Variants in CCDC150 observed in about 807,000 individuals in gnomAD.
CCDC150 encodes coiled-coil domain containing 150.
CCDC150 carries 151 observed loss-of-function variants against 156.5 expected under a neutral mutation model. The ratio of observed to expected loss-of-function variants is 0.97; its 90% CI spans 0.85 to 1.10. CCDC150 has a LOEUF of 1.10. Ranked by LOEUF, CCDC150 falls within the 50% of genes least tolerant of loss-of-function variation. The pLI is 0.00. For missense variants in CCDC150, 1,312 were observed against 1,268.1 expected (o/e 1.03, Z -0.53); for synonymous variants, 452 against 429.4 (o/e 1.05, Z -0.65).
At chr2:196,676,918 A>C (rs1694538799) in intron 12 of CCDC150, among the ~76,000 whole-genome samples, 187 bp downstream of exon 12, 1 of 152,240 alleles carries the variant, frequency 6.6e-6, no homozygotes, top group Non-Finnish European at 1.5e-5. Flanking sequence ...GCCAAATAGA[A>C]CAGTATATAC....
intron 13 of CCDC150, among the ~76,000 whole-genome samples, chr2:196,678,568 G>A (rs1020073927): frequency 6.6e-6 from 1 of 152,114 alleles, no homozygotes; most frequent in Admixed American, 6.5e-5. Flanking sequence ...GGGAAAATTG[G>A]TGACTACTAT....
At chr2:196,695,936 G>A (rs139288110) in intron 14 of CCDC150, among the ~76,000 whole-genome samples, 4 of 152,220 alleles carry the variant, frequency 2.6e-5, no homozygotes, top group African/African-American at 9.6e-5. Flanking sequence ...TTGCTTTTAA[G>A]CATGCAAATA....
Position 196,732,619 on chromosome 2 carries a change from C to A in CCDC150, c.*57C>A. 8.3e-7 allele frequency: 1 copy of A among 1,205,916 alleles called. No homozygotes were observed. The highest frequency in any genetic ancestry group is 1.2e-6 in the Non-Finnish European group (1 of 812,286). 74.7% of individuals were successfully genotyped at this position (1,205,916 alleles called of 1,614,324 possible). On this transcript the variant is annotated 3_prime_UTR_variant, in exon 28 of 28. Transcript: ENST00000389175. Reference sequence around the variant, plus strand: ...GCTACACTCCATGATTCCAAGAGCCCAGCAGCCGGGGCTGGCCTGTTTCTA... The same window carrying A: ...GCTACACTCCATGATTCCAAGAGCCAAGCAGCCGGGGCTGGCCTGTTTCTA...
At chr2:196,646,282 G>C in intron 1 of CCDC150, 59 bp from the exon 2 acceptor site, 8 of 1,495,630 alleles carry the variant, frequency 5.3e-6, no homozygotes, top group Non-Finnish European at 7.4e-6. Flanking sequence ...AGGAATGGCA[G>C]TGACTATTTT....
intron 20 of CCDC150, 121 bp downstream of exon 20, chr2:196,720,789 T>A: frequency 4.7e-6 from 4 of 857,620 alleles, no homozygotes; most frequent in Non-Finnish European, 7.2e-6. Context: ...AAGTCTGAGT[T>A]TTGGACAGTG....
At chr2:196,661,801 TG>T (rs1489303928) in intron 5 of CCDC150, among the ~76,000 whole-genome samples, 1 of 152,260 alleles carries the variant, frequency 6.6e-6, no homozygotes, top group East Asian at 1.9e-4. Context: ...AATGTACTTT[TG>T]TACGGCACAT....
chr2:196,695,555 T>G (rs1695765279), intron 14 of CCDC150, among the ~76,000 whole-genome samples: 1 of 152,090 alleles, frequency 6.6e-6, no homozygotes, highest in South Asian at 2.1e-4. Flanking sequence ...TTAAAATACC[T>G]TCTCCAGGTG....
chr2:196,714,503 T>A (rs747487465), intron 17 of CCDC150, among the ~76,000 whole-genome samples: 16 of 151,806 alleles, frequency 1.1e-4, no homozygotes, highest in Non-Finnish European at 1.9e-4. Flanking sequence ...CTTTGCTACT[T>A]GCTGGGGAGA....
chr2:196,639,772 C>T lies in CCDC150; in HGVS notation c.6C>T (p.Asp2=), dbSNP rs779499962. The change falls in exon 1 of 28, where the codon GAC becomes GAT. Residue 2 remains aspartate, a synonymous_variant. Transcript: ENST00000389175. ...ACGGAGCCTCAGGCGGACAGATGGACTGTAAGGTGAGGCTGCCGGGCCCCG... is the reference window on the plus strand; with the variant it reads ...ACGGAGCCTCAGGCGGACAGATGGATTGTAAGGTGAGGCTGCCGGGCCCCG... The part of the protein sequence containing the change: M[D]CKVHMETTVS... 1.9e-6 allele frequency: 3 copies of T among 1,579,778 alleles called. No individual in the cohort carries two copies. The highest frequency in any genetic ancestry group is 1.2e-5 in the South Asian group (1 of 86,264).
intron 19 of CCDC150, 187 bp downstream of exon 19, chr2:196,719,853 T>C: frequency 2.3e-6 from 1 of 438,954 alleles, no homozygotes; most frequent in Non-Finnish European, 4.0e-6. Flanking sequence ...TTCCAAAAAT[T>C]CAAAATGCCC....
At chr2:196,646,613 T>C in intron 2 of CCDC150, 109 bp downstream of exon 2, 1 of 797,274 alleles carries the variant, frequency 1.3e-6, no homozygotes, top group Non-Finnish European at 2.0e-6. Context: ...AACTGAGAAA[T>C]AATTTTCATT....
At chr2:196,714,745 C>CT (rs1318750126) in intron 17 of CCDC150, among the ~76,000 whole-genome samples, 1 of 152,094 alleles carries the variant, frequency 6.6e-6, no homozygotes, top group African/African-American at 2.4e-5. Flanking sequence ...TGCCTCACTA[C>CT]TATTTAGATG....
intron 16 of CCDC150, 84 bp from the exon 17 acceptor site, chr2:196,712,593 A>T: frequency 1.2e-6 from 1 of 834,576 alleles, no homozygotes. Context: ...GAGTAGAAGC[A>T]GTGAGAAATG....
chr2:196,666,573 G>A (rs1263792232), intron 6 of CCDC150, 146 bp from the exon 7 acceptor site: 2 of 698,798 alleles, frequency 2.9e-6, no homozygotes, highest in East Asian at 5.4e-5. Context: ...ACCGCATTCT[G>A]TTGAGATTTT....
intron 13 of CCDC150, among the ~76,000 whole-genome samples, chr2:196,683,088 C>T (rs1361342025): frequency 6.6e-6 from 1 of 151,962 alleles, no homozygotes; most frequent in Non-Finnish European, 1.5e-5. Flanking sequence ...ACATCTCTGT[C>T]TTGTTTCTGA....
chr2:196,645,223 T>G (rs1238830692), intron 1 of CCDC150, among the ~76,000 whole-genome samples: 1 of 152,176 alleles, frequency 6.6e-6, no homozygotes, highest in Admixed American at 6.5e-5. Context: ...TCAGCGGGTA[T>G]AGCAAGCTCA....
chr2:196,726,240 C>G (rs1010508583), intron 22 of CCDC150, 141 bp downstream of exon 22: 1 of 892,144 alleles, frequency 1.1e-6, no homozygotes, highest in Non-Finnish European at 1.6e-6. Flanking sequence ...TAAGACCTCT[C>G]TGTAAAGCAA....
At chr2:196,732,316 C>A in intron 27 of CCDC150, 130 bp from the exon 28 acceptor site, 1 of 1,145,016 alleles carries the variant, frequency 8.7e-7, no homozygotes, top group South Asian at 1.5e-5. Flanking sequence ...CAAAGTTCCA[C>A]CTGTCACAAA....
At chr2:196,714,724 C>G (rs1697383770) in intron 17 of CCDC150, among the ~76,000 whole-genome samples, 1 of 152,102 alleles carries the variant, frequency 6.6e-6, no homozygotes, top group Admixed American at 6.5e-5. Context: ...TGCCTCCAGA[C>G]CCTATTCTCC....
Sources: allele counts gnomAD v4.1 joint callset (sites outside exome capture counted in the v4.1 genomes callset), GRCh38; gene constraint gnomAD v4.1.1; transcripts MANE v1.5; gene names NCBI Gene and HGNC (gene_info 2026-07-23, HGNC 2026-07-21).